SLC35F1: variants seen among roughly 807,000 people sequenced by gnomAD.
The protein encoded by SLC35F1 is chromosome 6 open reading frame 169.
A neutral mutation model predicts 48.7 loss-of-function variants in SLC35F1; 14 were observed. The ratio of observed to expected loss-of-function variants is 0.29; its 90% CI spans 0.19 to 0.45. The LOEUF is 0.45. Among genes scored for constraint, SLC35F1 ranks in the 20% least tolerant of loss-of-function variants. The pLI is 1.00. For missense variants in SLC35F1, 404 were observed against 500.0 expected (o/e 0.81, Z 1.83); for synonymous variants, 190 against 202.2 (o/e 0.94, Z 0.51).
At chr6:118,260,727 G>T (rs528305651) in intron 3 of SLC35F1, among the ~76,000 whole-genome samples, 19 of 152,288 alleles carry the variant, frequency 1.2e-4, no homozygotes, top group African/African-American at 4.6e-4. Flanking sequence ...CCCAGTAAAT[G>T]TTAGCTGAAT....
At chr6:118,188,163 C>G (rs1774685092) in intron 2 of SLC35F1, among the ~76,000 whole-genome samples, 1 of 152,172 alleles carries the variant, frequency 6.6e-6, no homozygotes, top group Admixed American at 6.5e-5. Flanking sequence ...TAGTGGCACT[C>G]CAGATTCTCA....
intron 1 of SLC35F1, among the ~76,000 whole-genome samples, chr6:118,152,164 A>G (rs1338517280): frequency 2.0e-5 from 3 of 152,238 alleles, no homozygotes; most frequent in Non-Finnish European, 2.9e-5. Context: ...TGAAAGATAC[A>G]TAAGAATCAG....
At chr6:118,302,914 G>A (rs1293531424) in intron 7 of SLC35F1, among the ~76,000 whole-genome samples, 2 of 151,050 alleles carry the variant, frequency 1.3e-5, no homozygotes, top group Non-Finnish European at 2.9e-5. Flanking sequence ...GGAATTTAAA[G>A]GTGAATATTG....
Position 118,315,032 on chromosome 6 carries a change from C to T in SLC35F1, c.*780C>T, listed in dbSNP as rs1020255700. 6.6e-6 allele frequency: 1 copy of T among 152,462 alleles called. No homozygotes were observed. The highest frequency in any genetic ancestry group is 1.5e-5 in the Non-Finnish European group (1 of 68,006). 9.4% of individuals were successfully genotyped at this position (152,462 alleles called of 1,614,324 possible). A position where few individuals can be genotyped will look rare whatever the true frequency, so the allele number is the denominator to read the frequency against. The stretch of plus-strand genomic sequence containing the variant: ...TCCATTACTGTGGCTTTTGGGAGCC[C>T]CCAGAAATAATATCATTTGTGTTTA... On this transcript the variant is annotated 3_prime_UTR_variant, in exon 8 of 8. Coordinates refer to ENST00000360388, the MANE Select transcript of SLC35F1 (RefSeq NM_001029858.4).
intron 1 of SLC35F1, among the ~76,000 whole-genome samples, chr6:117,978,229 A>G (rs970913955): frequency 2.0e-5 from 3 of 151,972 alleles, no homozygotes; most frequent in Non-Finnish European, 4.4e-5. Context: ...ATAAGGGCCT[A>G]TTTTCTCTTT....
intron 3 of SLC35F1, among the ~76,000 whole-genome samples, chr6:118,264,540 C>G (rs545634396): frequency 3.7e-4 from 56 of 152,310 alleles, no homozygotes; most frequent in African/African-American, 1.3e-3. Context: ...GAATAGATCT[C>G]AGGACTCATC....
rs1443870723 is a variant in SLC35F1 at position 118,268,611 on chromosome 6, T to A, written c.637+1457T>A. Among the ~76,000 whole-genome samples the A allele has an allele frequency of 9.3e-3, 1,162 of 124,766 alleles. 22 individuals are homozygous for A. The highest frequency in any genetic ancestry group is 0.033 in the African/African-American group (1,079 of 32,776). The allele number at this position is 124,766 out of a possible 152,430, so 81.9% of individuals were successfully genotyped here. Reference sequence around the variant, plus strand: ...ATATATATATATATATTTTTTTTTTTTTTTTTTTTTTTTTTTGAGACAGAG... The same window carrying A: ...ATATATATATATATATTTTTTTTTTATTTTTTTTTTTTTTTTGAGACAGAG... On this transcript the variant is annotated intron_variant, in intron 4 of 7. Transcript: ENST00000360388.
chr6:118,216,163 G>A (rs1775069936), intron 2 of SLC35F1, among the ~76,000 whole-genome samples: 1 of 149,136 alleles, frequency 6.7e-6, no homozygotes, highest in Admixed American at 6.7e-5. Flanking sequence ...CTGCAACCTT[G>A]TTTTCCTGGG....
chr6:118,094,594 C>A (rs1195620800), intron 1 of SLC35F1, among the ~76,000 whole-genome samples: 2 of 152,010 alleles, frequency 1.3e-5, no homozygotes, highest in African/African-American at 4.8e-5. Flanking sequence ...AGAAGAGTAT[C>A]CAGTAAGGTC....
chr6:118,036,905 G>T (rs566759424), intron 1 of SLC35F1, among the ~76,000 whole-genome samples: 32 of 152,140 alleles, frequency 2.1e-4, no homozygotes, highest in Non-Finnish European at 4.1e-4. Context: ...CTGAAAGAGG[G>T]GTGTTATGAC....
At chr6:118,074,084 A>T (rs1416956105) in intron 1 of SLC35F1, among the ~76,000 whole-genome samples, 8 of 152,132 alleles carry the variant, frequency 5.3e-5, no homozygotes, top group Admixed American at 2.0e-4. Flanking sequence ...GCATGTTTTT[A>T]TAATTATGCC....
intron 1 of SLC35F1, among the ~76,000 whole-genome samples, chr6:118,061,527 G>A (rs1268376210): frequency 1.3e-5 from 2 of 151,370 alleles, no homozygotes; most frequent in African/African-American, 2.4e-5. Context: ...AAACATAGCT[G>A]TAGGTATAAA....
intron 1 of SLC35F1, among the ~76,000 whole-genome samples, chr6:117,987,315 TCTC>T (rs1776860314): frequency 6.6e-6 from 1 of 151,682 alleles, no homozygotes; most frequent in Non-Finnish European, 1.5e-5. Context: ...TTTTCTTCCT[TCTC>T]CTCTTGTTCT....
In SLC35F1 at chr6:117,907,756, G is replaced by C. The variant is rs1775708828; in HGVS notation, c.30G>C (p.Gln10His). MIPPEQPQQ[Q>H]LQPPSPAPPN... ...TCCCCCCTGAGCAGCCGCAGCAGCA[G>C]CTGCAGCCGCCGTCGCCAGCCCCGC... Residue 10 changes from glutamine (Q) to histidine (H), a missense_variant, in exon 1 of 8, where the codon CAG becomes CAC. Transcript: ENST00000360388. 1 of 1,558,196 alleles carries C rather than the reference G, an allele frequency of 6.4e-7. No individual in the cohort carries two copies. Among genetic ancestry groups the C allele is most frequent in the African/African-American group, 1.4e-5 (1 of 70,856 alleles).
chr6:117,969,348 C>T (rs959026701), intron 1 of SLC35F1, among the ~76,000 whole-genome samples: 29 of 152,286 alleles, frequency 1.9e-4, no homozygotes, highest in African/African-American at 6.7e-4. Context: ...ATTCAATTTC[C>T]AGTCAGGACT....
chr6:118,221,510 A>G lies in SLC35F1; in HGVS notation c.350-13999A>G, dbSNP rs1456023462. ...GCTCCTAAAGAGTATAATACTACCT[A>G]TAACTCAAGGACACTGCAGGGAGGA... On this transcript the variant is annotated intron_variant, in intron 2 of 7. Coordinates refer to ENST00000360388, the MANE Select transcript of SLC35F1 (RefSeq NM_001029858.4). 2.6e-5 allele frequency among the ~76,000 whole-genome samples: 4 copies of G among 152,184 alleles called. No homozygotes were observed. The East Asian group carries it at 5.8e-4, about 22-fold the overall frequency.
chr6:117,923,710 C>CATGTGTACATATATACATATGT (rs1562238865), intron 1 of SLC35F1, among the ~76,000 whole-genome samples: 1 of 22,562 alleles, frequency 4.4e-5, no homozygotes, highest in African/African-American at 2.2e-4. Context: ...CATATATGTA[C>CATGTGTACATATATACATATGT]ATATATACAT....
intron 1 of SLC35F1, 149 bp downstream of exon 1, chr6:117,908,048 G>A: frequency 1.2e-6 from 1 of 821,210 alleles, no homozygotes; most frequent in Non-Finnish European, 1.6e-6. Flanking sequence ...GACGCGCTCC[G>A]CGGGCGCAGA....
At chr6:118,246,949 A>G (rs1173451812) in intron 3 of SLC35F1, among the ~76,000 whole-genome samples, 3 of 152,188 alleles carry the variant, frequency 2.0e-5, no homozygotes, top group Non-Finnish European at 2.9e-5. Flanking sequence ...AGCTTGCCTG[A>G]GATCCATATG....
Sources: allele counts gnomAD v4.1 joint callset (sites outside exome capture counted in the v4.1 genomes callset), GRCh38; gene constraint gnomAD v4.1.1; transcripts MANE v1.5; gene names NCBI Gene and HGNC (gene_info 2026-07-23, HGNC 2026-07-21).